The following KLF8 variants were observed in gnomAD, a reference collection of about 807,000 sequenced individuals.
KLF8 encodes the protein Krueppel-like factor 8.
KLF8 carries 10 observed loss-of-function variants against 18.2 expected under a neutral mutation model. That is an observed-to-expected ratio of 0.55 (90% CI 0.34 to 0.93). KLF8 has a LOEUF of 0.93. Ranked by LOEUF, KLF8 falls within the 40% of genes least tolerant of loss-of-function variation. KLF8 has a pLI of 0.02. For synonymous variants in KLF8, 109 were observed against 97.3 expected (o/e 1.12, Z -0.71); for missense variants, 264 against 277.9 (o/e 0.95, Z 0.36).
At chrX:56,028,463 G>A in the KLF8 span, among the ~76,000 whole-genome samples, 1 of 111,465 alleles carries the variant, frequency 9.0e-6, no homozygotes, top group Non-Finnish European at 1.9e-5. Context: ...TAGCATACCT[G>A]CTGTCTGCAA....
chrX:56,146,115 G>A, the KLF8 span, among the ~76,000 whole-genome samples: 1 of 112,106 alleles, frequency 8.9e-6, no homozygotes, highest in African/African-American at 3.2e-5. Context: ...CTGTTGGTGG[G>A]AGTGTAAATT....
chrX:56,208,434 G>A, the KLF8 span, among the ~76,000 whole-genome samples: 2 of 111,065 alleles, frequency 1.8e-5, no homozygotes, highest in African/African-American at 6.5e-5. Context: ...CTAACTTTTT[G>A]TTTCACTGCT....
At chrX:56,036,201 A>C in the KLF8 span, among the ~76,000 whole-genome samples, 1 of 111,771 alleles carries the variant, frequency 8.9e-6, no homozygotes, top group Non-Finnish European at 1.9e-5. Flanking sequence ...GGTAACTAGC[A>C]TATTTATCAT....
At chrX:56,180,452 C>A in the KLF8 span, among the ~76,000 whole-genome samples, 1 of 110,231 alleles carries the variant, frequency 9.1e-6, no homozygotes, top group Non-Finnish European at 1.9e-5. Context: ...TTTTTTGTGT[C>A]TCTATCTCCT....
At chrX:56,070,551 C>CT in the KLF8 span, among the ~76,000 whole-genome samples, 1 of 111,434 alleles carries the variant, frequency 9.0e-6, no homozygotes, top group Non-Finnish European at 1.9e-5. Context: ...CCTCAGCAAA[C>CT]TAACACAGGA....
chrX:56,198,103 A>C, the KLF8 span, among the ~76,000 whole-genome samples: 342 of 111,919 alleles, frequency 3.1e-3, 1 homozygote, highest in African/African-American at 0.011. Flanking sequence ...ATAATAAGAG[A>C]TATTTAGGAC....
the KLF8 span, among the ~76,000 whole-genome samples, chrX:56,058,756 G>C: frequency 9.0e-6 from 1 of 111,105 alleles, no homozygotes. Context: ...TATCATTGAT[G>C]GGCATTTGGG....
At chrX:56,119,934 G>A in the KLF8 span, among the ~76,000 whole-genome samples, 1 of 108,999 alleles carries the variant, frequency 9.2e-6, no homozygotes, top group South Asian at 4.0e-4. Context: ...GGAAGTCCAC[G>A]TAGTTGATGG....
chrX:55,951,677 T>C, the KLF8 span, among the ~76,000 whole-genome samples: 1 of 109,446 alleles, frequency 9.1e-6, no homozygotes, highest in South Asian at 4.1e-4. Flanking sequence ...TATGTGGACA[T>C]ATCTTACGGC....
the KLF8 span, among the ~76,000 whole-genome samples, chrX:56,143,400 T>A: frequency 8.9e-6 from 1 of 112,337 alleles, no homozygotes; most frequent in African/African-American, 3.2e-5. Context: ...ACCTTAGATA[T>A]TTGTTTATGT....
the KLF8 span, among the ~76,000 whole-genome samples, chrX:56,185,974 CA>C: frequency 9.0e-6 from 1 of 111,641 alleles, no homozygotes; most frequent in Admixed American, 9.5e-5. Context: ...AACTAACGAG[CA>C]AAAAAACCAG....
chrX:56,120,055 A>G, the KLF8 span, among the ~76,000 whole-genome samples: 1 of 110,489 alleles, frequency 9.1e-6, no homozygotes, highest in Non-Finnish European at 1.9e-5. Flanking sequence ...TTTACTTTTA[A>G]CTAATCTGGA....
chrX:56,288,712 C>T lies in KLF8; in HGVS notation c.*4218C>T, dbSNP rs1423148062. 2.7e-5 allele frequency among the ~76,000 whole-genome samples: 3 copies of T among 112,547 alleles called. No individual in the cohort carries two copies. The highest frequency in any genetic ancestry group is 2.8e-4 in the East Asian group (1 of 3,631). On this transcript the variant is annotated 3_prime_UTR_variant, in exon 6 of 6. Coordinates refer to ENST00000468660, the MANE Select transcript of KLF8 (RefSeq NM_007250.5). ...TGCTAACATGTTACTGGCACAAACA[C>T]GAAGTGAGCACATGCTGTTGGAAAA...
chrX:56,271,466 T>C (rs1326215954), intron 5 of KLF8, among the ~76,000 whole-genome samples: 4 of 111,042 alleles, frequency 3.6e-5, no homozygotes, highest in Non-Finnish European at 7.5e-5. Flanking sequence ...TCCATAGTGG[T>C]CTCCAAGCTC....
At chrX:55,989,343 C>G in the KLF8 span, among the ~76,000 whole-genome samples, 480 of 112,164 alleles carry the variant, frequency 4.3e-3, 5 homozygotes, top group African/African-American at 0.015. Flanking sequence ...GTGGGTTTGT[C>G]ATAGATAGCT....
chrX:55,989,450 A>G, the KLF8 span, among the ~76,000 whole-genome samples: 1 of 112,359 alleles, frequency 8.9e-6, no homozygotes. Context: ...TTCTGCATCT[A>G]TTGAGATAGT....
At chrX:55,969,447 G>A in the KLF8 span, among the ~76,000 whole-genome samples, 2 of 111,520 alleles carry the variant, frequency 1.8e-5, no homozygotes, top group African/African-American at 6.5e-5. Context: ...AGGATGCAGT[G>A]AGAGCAGTCC....
intron 1 of KLF8, among the ~76,000 whole-genome samples, chrX:56,238,599 C>T (rs2066507892): frequency 8.9e-6 from 1 of 111,920 alleles, no homozygotes; most frequent in Non-Finnish European, 1.9e-5. Context: ...CCCTTTAAAA[C>T]AGTACTTGTA....
At chrX:55,989,019 A>G in the KLF8 span, among the ~76,000 whole-genome samples, 1 of 111,770 alleles carries the variant, frequency 8.9e-6, no homozygotes, top group Admixed American at 9.5e-5. Flanking sequence ...TTATTGGTGT[A>G]TAAGAATGCT....
Sources: gnomAD v4.1 joint callset for allele counts (sites outside exome capture counted in the v4.1 genomes callset) on GRCh38, gnomAD v4.1.1 for gene constraint, MANE v1.5 for transcripts, NCBI Gene and HGNC (gene_info 2026-07-23, HGNC 2026-07-21) for gene names.